PLD5: variants seen among roughly 807,000 people sequenced by gnomAD.
The protein encoded by PLD5 is inactive phospholipase D5.
A neutral mutation model predicts 61.1 loss-of-function variants in PLD5; 36 were observed. The observed-to-expected ratio is 0.59, with a 90% CI of 0.45 to 0.78. The LOEUF is 0.78. Ranked by LOEUF, PLD5 falls within the 30% of genes least tolerant of loss-of-function variation. PLD5 has a pLI of 0.00. For missense variants in PLD5, 515 were observed against 644.4 expected (o/e 0.80, Z 2.17); for synonymous variants, 243 against 242.8 (o/e 1.00, Z -0.01).
chr1:242,383,073 T>C (rs1209382764), intron 1 of PLD5, among the ~76,000 whole-genome samples: 1 of 152,146 alleles, frequency 6.6e-6, no homozygotes, highest in Non-Finnish European at 1.5e-5. Flanking sequence ...TCTCCTGCAC[T>C]TTCCCTTTCT....
intron 1 of PLD5, among the ~76,000 whole-genome samples, chr1:242,350,667 G>A (rs890511732): frequency 1.3e-5 from 2 of 152,128 alleles, no homozygotes; most frequent in East Asian, 3.9e-4. Flanking sequence ...GGAATGAATG[G>A]TGTTTCTGTG....
intron 5 of PLD5, among the ~76,000 whole-genome samples, chr1:242,128,172 G>A (rs1296741767): frequency 1.3e-5 from 2 of 152,134 alleles, no homozygotes; most frequent in Non-Finnish European, 2.9e-5. Flanking sequence ...TGGTGTGGAG[G>A]CACAAATCTG....
intron 1 of PLD5, chr1:242,365,039 T>C (rs1259400132): frequency 6.6e-6 from 1 of 150,922 alleles, no homozygotes. Context: ...TCACAGCAGA[T>C]CCTACACAAA....
chr1:242,341,275 C>T (rs1659817483), intron 2 of PLD5, among the ~76,000 whole-genome samples: 1 of 151,196 alleles, frequency 6.6e-6, no homozygotes, highest in Non-Finnish European at 1.5e-5. Context: ...GGTCATGATA[C>T]TAAACAGGAA....
chr1:242,394,113 A>T (rs867818185), intron 1 of PLD5, among the ~76,000 whole-genome samples: 9 of 135,178 alleles, frequency 6.7e-5, no homozygotes, highest in South Asian at 2.3e-4. Context: ...TATATATATG[A>T]GTATATATAT....
intron 5 of PLD5, among the ~76,000 whole-genome samples, chr1:242,133,960 C>G (rs901949617): frequency 1.3e-5 from 2 of 152,202 alleles, no homozygotes; most frequent in Non-Finnish European, 2.9e-5. Context: ...AAAATGCCAT[C>G]GTGGCTCCTC....
At chr1:242,177,523 ACTG>A (rs992444897) in intron 5 of PLD5, among the ~76,000 whole-genome samples, 1 of 152,084 alleles carries the variant, frequency 6.6e-6, no homozygotes, top group African/African-American at 2.4e-5. Flanking sequence ...ATGTAACAAA[ACTG>A]CACGTTTTGT....
At chr1:242,276,677 A>G (rs1674432685) in intron 3 of PLD5, among the ~76,000 whole-genome samples, 1 of 151,770 alleles carries the variant, frequency 6.6e-6, no homozygotes, top group Admixed American at 6.6e-5. Context: ...CAATGGATCA[A>G]TCAGAGCTTT....
chr1:242,158,212 G>A (rs1665541264), intron 5 of PLD5, among the ~76,000 whole-genome samples: 1 of 152,206 alleles, frequency 6.6e-6, no homozygotes, highest in Non-Finnish European at 1.5e-5. Flanking sequence ...CTGGCAGTGA[G>A]AATTTCAAGG....
At chr1:242,247,880 C>T (rs1163805851) in intron 4 of PLD5, among the ~76,000 whole-genome samples, 1 of 152,154 alleles carries the variant, frequency 6.6e-6, no homozygotes, top group Non-Finnish European at 1.5e-5. Flanking sequence ...TAACTCTGAG[C>T]AGCTGCTGTG....
chr1:242,357,790 A>G (rs1048309523), intron 1 of PLD5, among the ~76,000 whole-genome samples: 1 of 152,048 alleles, frequency 6.6e-6, no homozygotes, highest in African/African-American at 2.4e-5. Flanking sequence ...CCTGGCCATT[A>G]ATGACTTTTT....
chr1:242,189,445 C>CAAAAAAAAAAAAA (rs58476673), intron 5 of PLD5, among the ~76,000 whole-genome samples: 1 of 70,438 alleles, frequency 1.4e-5, no homozygotes, highest in African/African-American at 4.5e-5. Flanking sequence ...GACTCCATCT[C>CAAAAAAAAAAAAA]AAAAAAAAAA....
chr1:242,452,413 T>C (rs1320560187), intron 1 of PLD5, among the ~76,000 whole-genome samples: 8 of 152,166 alleles, frequency 5.3e-5, no homozygotes, highest in African/African-American at 1.7e-4. Flanking sequence ...CACTGATACC[T>C]GGCCTCACAA....
intron 3 of PLD5, among the ~76,000 whole-genome samples, chr1:242,271,973 G>C (rs2149113573): frequency 2.0e-5 from 3 of 151,838 alleles, no homozygotes; most frequent in African/African-American, 7.3e-5. Flanking sequence ...GATATACATA[G>C]AACACATATG....
At chr1:242,183,262 CTTA>C (rs1284135866) in intron 5 of PLD5, among the ~76,000 whole-genome samples, 2 of 152,116 alleles carry the variant, frequency 1.3e-5, no homozygotes. Context: ...GTTTGAGTAT[CTTA>C]TTAAGACATC....
chr1:242,504,910 C>T (rs1239611749), intron 1 of PLD5, among the ~76,000 whole-genome samples: 1 of 152,138 alleles, frequency 6.6e-6, no homozygotes, highest in East Asian at 1.9e-4. Context: ...AATTCCAGTA[C>T]TTTGGGAGGC....
At chr1:242,305,395 T>C (rs2796069) in intron 2 of PLD5, among the ~76,000 whole-genome samples, 9,689 of 151,768 alleles carry the variant, frequency 0.064, 358 homozygotes, top group Middle Eastern at 0.11. Context: ...ATATTTCCTG[T>C]ACACACATTC....
chr1:242,492,809 G>A (rs530261580), intron 1 of PLD5, among the ~76,000 whole-genome samples: 54 of 152,192 alleles, frequency 3.5e-4, no homozygotes, highest in South Asian at 2.5e-3. Context: ...TGTTGTCTCC[G>A]TGTATTCTCA....
At chr1:242,172,717 A>G (rs1319204482) in intron 5 of PLD5, among the ~76,000 whole-genome samples, 1 of 152,216 alleles carries the variant, frequency 6.6e-6, no homozygotes, top group African/African-American at 2.4e-5. Context: ...TCCCACAGAA[A>G]TACAAACTAC....
Sources: gnomAD v4.1 joint callset for allele counts (sites outside exome capture counted in the v4.1 genomes callset) on GRCh38, gnomAD v4.1.1 for gene constraint, MANE v1.5 for transcripts, NCBI Gene and HGNC (gene_info 2026-07-23, HGNC 2026-07-21) for gene names.